Variants in OXCT1 observed in about 807,000 individuals in gnomAD.
OXCT1 encodes 3-oxoacid CoA-transferase 1.
A neutral mutation model predicts 69.6 loss-of-function variants in OXCT1; 27 were observed. The observed-to-expected ratio is 0.39, with a 90% CI of 0.29 to 0.54. OXCT1 has a LOEUF of 0.54. OXCT1 is among the 20% of genes least tolerant of loss of function. The pLI, the probability that OXCT1 is intolerant of heterozygous loss-of-function variation, is 0.72. For synonymous variants in OXCT1, 202 were observed against 217.8 expected (o/e 0.93, Z 0.64); for missense variants, 437 against 650.2 (o/e 0.67, Z 3.57).
rs370703940 is a variant in OXCT1 at position 41,839,155 on chromosome 5, C to G, written c.732+1296G>C. ...AAAAGAGAGCCTCTCTTTCCTAATACCTGCAATGATTCTTCAACACAAGGT... is the reference window on the plus strand; with the variant it reads ...AAAAGAGAGCCTCTCTTTCCTAATAGCTGCAATGATTCTTCAACACAAGGT... On this transcript the variant is annotated intron_variant, in intron 7 of 16. Coordinates refer to ENST00000196371, the MANE Select transcript of OXCT1 (RefSeq NM_000436.4). Among the ~76,000 whole-genome samples, 15 of 152,226 alleles carry G rather than the reference C, an allele frequency of 9.9e-5. 1 individual carries two copies. Among genetic ancestry groups the G allele is most frequent in the African/African-American group, 3.4e-4 (14 of 41,544 alleles).
intron 7 of OXCT1, among the ~76,000 whole-genome samples, chr5:41,817,884 T>G (rs1022676251): frequency 6.6e-6 from 1 of 152,214 alleles, no homozygotes; most frequent in Non-Finnish European, 1.5e-5. Flanking sequence ...GAACAGCTGG[T>G]GGCACATTAT....
In OXCT1 at chr5:41,870,334, A is replaced by G; in HGVS notation, c.25T>C (p.Ser9Pro). MAALKLLSSGLRLCASARG... is the reference protein window; with the variant it reads MAALKLLSPGLRLCASARG... ...GCAGAGGCGCAGAGCCGAAGCCCGGAGGAGAGGAGTTTGAGAGCCGCCATC... is the reference window on the plus strand; with the variant it reads ...GCAGAGGCGCAGAGCCGAAGCCCGGGGGAGAGGAGTTTGAGAGCCGCCATC... Residue 9 changes from serine (S) to proline (P), a missense_variant, in exon 1 of 17, where the codon TCC (serine) becomes CCC (proline). Physicochemically the swap from Ser to Pro is moderately conservative, Grantham distance 74. Coordinates refer to ENST00000196371, the MANE Select transcript of OXCT1 (RefSeq NM_000436.4). This position sits in a 1 kb window ranked among gnomAD's most constrained non-coding sequence, Gnocchi z 4.2. 1 of 1,613,786 alleles carries G rather than the reference A, an allele frequency of 6.2e-7. No homozygotes were observed. Among genetic ancestry groups the G allele is most frequent in the Non-Finnish European group, 8.5e-7 (1 of 1,179,898 alleles).
At chr5:41,745,439 A>G (rs1743426111) in intron 15 of OXCT1, among the ~76,000 whole-genome samples, 1 of 152,214 alleles carries the variant, frequency 6.6e-6, no homozygotes, top group South Asian at 2.1e-4. Context: ...AATGCCCACA[A>G]GAGAAAGCAG....
intron 14 of OXCT1, among the ~76,000 whole-genome samples, chr5:41,758,898 G>A (rs898744014): frequency 6.6e-6 from 1 of 152,084 alleles, no homozygotes; most frequent in Non-Finnish European, 1.5e-5. Flanking sequence ...TCTATGCACA[G>A]GAAGGCTAGG....
chr5:41,792,125 A>G (rs577407024), intron 13 of OXCT1, among the ~76,000 whole-genome samples: 2 of 152,280 alleles, frequency 1.3e-5, no homozygotes, highest in South Asian at 4.1e-4. Flanking sequence ...TAAGAACAAT[A>G]ACCTATTTAC....
chr5:41,845,511 G>A (rs1748854194), intron 5 of OXCT1, among the ~76,000 whole-genome samples: 1 of 151,830 alleles, frequency 6.6e-6, no homozygotes, highest in African/African-American at 2.4e-5. Context: ...GCAAAGAGTA[G>A]GACCTCAATA....
intron 16 of OXCT1, among the ~76,000 whole-genome samples, chr5:41,736,692 C>T (rs961922583): frequency 2.0e-5 from 3 of 152,184 alleles, no homozygotes; most frequent in Non-Finnish European, 2.9e-5. Context: ...TGCCCATATC[C>T]TTAGGGATAC....
rs972048378 is a variant in OXCT1, at chr5:41,730,827, G to A, written c.*902C>T. The A allele has an allele frequency of 6.6e-6, 1 of 152,206 alleles. No homozygotes were observed. Among genetic ancestry groups the A allele is most frequent in the African/African-American group, 2.4e-5 (1 of 41,454 alleles). 9.4% of individuals were successfully genotyped at this position (152,206 alleles called of 1,614,324 possible). A position where few individuals can be genotyped will look rare whatever the true frequency, so the allele number is the denominator to read the frequency against. On this transcript the variant is annotated 3_prime_UTR_variant, in exon 17 of 17. Coordinates refer to ENST00000196371, the MANE Select transcript of OXCT1 (RefSeq NM_000436.4). ...AGAAAAACCGTTGTTCTGTAGAAGTGTCATTCAATATTTAAAATCTCCTCT... is the reference window on the plus strand; with the variant it reads ...AGAAAAACCGTTGTTCTGTAGAAGTATCATTCAATATTTAAAATCTCCTCT...
At chr5:41,778,552 G>A (rs1214745668) in intron 13 of OXCT1, among the ~76,000 whole-genome samples, 1 of 152,192 alleles carries the variant, frequency 6.6e-6, no homozygotes, top group Non-Finnish European at 1.5e-5. Flanking sequence ...TATGTCACAT[G>A]TCATATGACC....
At position 41,870,173 on chromosome 5, in the gene OXCT1, T is replaced by C; in HGVS notation, c.78+108A>G. On this transcript the variant is annotated intron_variant, in intron 1 of 16. Coordinates refer to ENST00000196371, the MANE Select transcript of OXCT1 (RefSeq NM_000436.4). The surrounding 1 kb of genome is among the most constrained non-coding windows in gnomAD (Gnocchi z 4.2). ...AGGGCACCGCGCCACGGATGCCAGATCCCAGGCTGGAGAGAGCGGGTAGGG... is the reference window on the plus strand; with the variant it reads ...AGGGCACCGCGCCACGGATGCCAGACCCCAGGCTGGAGAGAGCGGGTAGGG... 1.1e-6 allele frequency: 1 copy of C among 900,860 alleles called. No homozygotes were observed. 55.8% of individuals were successfully genotyped at this position (900,860 alleles called of 1,614,324 possible). A position where few individuals can be genotyped will look rare whatever the true frequency, so the allele number is the denominator to read the frequency against.
rs534386100 is a variant in OXCT1 at position 41,772,677 on chromosome 5, A to G, written c.1249-10477T>C. The stretch of plus-strand genomic sequence containing the variant: ...GACCCCGTTTAATGACTGCTTAAGT[A>G]CCTACTGGGAATTAATAGCTATGAC... On this transcript the variant is annotated intron_variant, in intron 13 of 16. Coordinates refer to ENST00000196371, the MANE Select transcript of OXCT1 (RefSeq NM_000436.4). 2.6e-5 allele frequency among the ~76,000 whole-genome samples: 4 copies of G among 152,330 alleles called. No homozygotes were observed. In the South Asian group the frequency reaches 8.3e-4, roughly 32 times the overall value.
At chr5:41,869,603 G>GTT (rs1417274609) in intron 1 of OXCT1, among the ~76,000 whole-genome samples, 2 of 152,202 alleles carry the variant, frequency 1.3e-5, no homozygotes, top group African/African-American at 2.4e-5. Flanking sequence ...CGAGAGAAAG[G>GTT]TTTGTCCTCC....
chr5:41,846,776 C>T (rs1303968437), intron 5 of OXCT1, among the ~76,000 whole-genome samples: 2 of 152,202 alleles, frequency 1.3e-5, no homozygotes, highest in African/African-American at 4.8e-5. Context: ...TATTTCTCCA[C>T]ATCCTCTCCA....
chr5:41,796,727 A>G (rs1746202009), intron 11 of OXCT1, among the ~76,000 whole-genome samples: 1 of 152,198 alleles, frequency 6.6e-6, no homozygotes, highest in African/African-American at 2.4e-5. Flanking sequence ...ACTTCCTGGT[A>G]TGGTTAGCAG....
intron 7 of OXCT1, among the ~76,000 whole-genome samples, chr5:41,810,740 T>C (rs1746937467): frequency 6.6e-6 from 1 of 152,072 alleles, no homozygotes; most frequent in African/African-American, 2.4e-5. Flanking sequence ...GCAAACATTA[T>C]ATCTCAGGTA....
chr5:41,758,597 C>A (rs191795477), intron 14 of OXCT1, among the ~76,000 whole-genome samples: 2 of 151,142 alleles, frequency 1.3e-5, no homozygotes, highest in African/African-American at 4.9e-5. Flanking sequence ...TCAGATGGCA[C>A]CTTAGAAGGC....
At chr5:41,819,379 G>C (rs368731608) in intron 7 of OXCT1, among the ~76,000 whole-genome samples, 1 of 149,048 alleles carries the variant, frequency 6.7e-6, no homozygotes, top group Non-Finnish European at 1.5e-5. Flanking sequence ...GGGGGGGATT[G>C]GGGGGGCAGG....
intron 3 of OXCT1, among the ~76,000 whole-genome samples, chr5:41,858,443 A>G (rs900331519): frequency 2.6e-5 from 4 of 152,204 alleles, no homozygotes; most frequent in African/African-American, 7.2e-5. Flanking sequence ...TACTAAAGAC[A>G]ATGCTGATAA....
intron 7 of OXCT1, among the ~76,000 whole-genome samples, chr5:41,820,354 G>A (rs764487888): frequency 9.2e-5 from 14 of 151,974 alleles, no homozygotes; most frequent in Admixed American, 2.0e-4. Flanking sequence ...GAATGATTTC[G>A]CAATACTTTC....
Sources: allele counts gnomAD v4.1 joint callset (sites outside exome capture counted in the v4.1 genomes callset), GRCh38; gene constraint gnomAD v4.1.1; non-coding constraint Gnocchi (gnomAD v3.1); transcripts MANE v1.5; gene names NCBI Gene and HGNC (gene_info 2026-07-23, HGNC 2026-07-21).